The following PRAG1 variants were observed in gnomAD, a reference collection of about 807,000 sequenced individuals.
PRAG1 encodes the protein inactive tyrosine-protein kinase PRAG1.
PRAG1 carries 110 observed loss-of-function variants against 95.6 expected under a neutral mutation model. That is an observed-to-expected ratio of 1.15 (90% CI 0.99 to 1.35). The LOEUF (loss-of-function observed/expected upper bound fraction) is 1.35. PRAG1 is among the 40% of genes most tolerant of loss of function. The probability of loss-of-function intolerance (pLI) is 0.00; values close to 1 mark genes in which losing one functional copy is unlikely to be tolerated. For missense variants in PRAG1, 2,554 were observed against 1,864.7 expected (o/e 1.37, Z -6.81); for synonymous variants, 1,052 against 819.4 (o/e 1.28, Z -4.85).
intron 5 of PRAG1, among the ~76,000 whole-genome samples, chr8:8,326,057 A>C (rs1245001499): frequency 6.7e-6 from 1 of 150,168 alleles, no homozygotes; most frequent in Non-Finnish European, 1.5e-5. Context: ...CTCAAAACAG[A>C]AAGGTCAGCT....
chr8:8,320,679 C>G (rs897786106), intron 5 of PRAG1, among the ~76,000 whole-genome samples: 2 of 152,196 alleles, frequency 1.3e-5, no homozygotes, highest in Non-Finnish European at 2.9e-5. Flanking sequence ...TCACATCTAC[C>G]TATAAAATAT....
chr8:8,369,730 A>C (rs1800129884), intron 3 of PRAG1, among the ~76,000 whole-genome samples: 1 of 150,622 alleles, frequency 6.6e-6, no homozygotes, highest in Admixed American at 6.6e-5. Context: ...AGCTTGTACT[A>C]ATCCTGATCT....
Position 8,335,670 on chromosome 8 carries a change from T to A in PRAG1, c.2320+3808A>T, listed in dbSNP as rs545893529. Among the ~76,000 whole-genome samples, 329 of 152,322 alleles carry A rather than the reference T, an allele frequency of 2.2e-3. 2 individuals are homozygous for A. In the Middle Eastern group the frequency reaches 0.024, roughly 11 times the overall value. ...TATTATAGCTCAGGCCACAGAAAAT[T>A]TTTAAAAATAAATGTTTTTTTCCTT... On this transcript the variant is annotated intron_variant, in intron 4 of 5. Coordinates refer to ENST00000615670, the MANE Select transcript of PRAG1 (RefSeq NM_001080826.3).
At chr8:8,357,833 T>C (rs4840939) in intron 3 of PRAG1, among the ~76,000 whole-genome samples, 74,753 of 152,034 alleles carry the variant, frequency 0.49, 18,560 homozygotes, top group East Asian at 0.6. Context: ...TATGGTTCTG[T>C]GAATGTATGG....
At chr8:8,352,165 A>G (rs1357803860) in intron 3 of PRAG1, among the ~76,000 whole-genome samples, 1 of 152,202 alleles carries the variant, frequency 6.6e-6, no homozygotes, top group East Asian at 1.9e-4. Context: ...ATTTGGACCA[A>G]AGCTCTTAGG....
intron 3 of PRAG1, among the ~76,000 whole-genome samples, chr8:8,365,924 G>C (rs1339779667): frequency 6.6e-6 from 1 of 152,104 alleles, no homozygotes; most frequent in Non-Finnish European, 1.5e-5. Flanking sequence ...AGATTGCAGT[G>C]AGCTGAGATC....
intron 3 of PRAG1, among the ~76,000 whole-genome samples, chr8:8,353,226 A>G (rs946919106): frequency 2.0e-5 from 3 of 152,242 alleles, no homozygotes; most frequent in South Asian, 2.1e-4. Context: ...CCTAAAAAGC[A>G]TATATAGAAC....
chr8:8,342,909 T>C (rs1485347823), intron 3 of PRAG1, among the ~76,000 whole-genome samples: 2 of 152,142 alleles, frequency 1.3e-5, no homozygotes, highest in Non-Finnish European at 2.9e-5. Flanking sequence ...ATCTGACTAC[T>C]TTAAAATTTA....
chr8:8,355,612 G>T (rs1192507347), intron 3 of PRAG1, among the ~76,000 whole-genome samples: 1 of 152,154 alleles, frequency 6.6e-6, no homozygotes, highest in African/African-American at 2.4e-5. Flanking sequence ...ACAGAGCTCA[G>T]AAATTGATCC....
chr8:8,355,659 C>G (rs1198525171), intron 3 of PRAG1, among the ~76,000 whole-genome samples: 1 of 152,058 alleles, frequency 6.6e-6, no homozygotes, highest in Non-Finnish European at 1.5e-5. Context: ...ACAAGAGCAT[C>G]AAAAGGGCAC....
chr8:8,380,641 G>A (rs1800601428), intron 2 of PRAG1, among the ~76,000 whole-genome samples: 1 of 151,986 alleles, frequency 6.6e-6, no homozygotes, highest in Non-Finnish European at 1.5e-5. Context: ...AGATCACAAG[G>A]TCAAGAGATC....
rs746814958 is a variant in PRAG1, at chr8:8,377,850, C to G, written c.559G>C (p.Ala187Pro). ...AATGAGGGTTTTTCTTTGTGCACAG[C>G]CTTCTCCTCCGGGAAGCTCACCGGG... ...FHPVSFPEEK[A>P]VHKEKPSFPY... The change falls in exon 3 of 6, where the codon GCT (alanine) becomes CCT (proline). Residue 187 changes from alanine to proline, a missense_variant. Transcript: ENST00000615670. 1.9e-6 allele frequency: 3 copies of G among 1,614,146 alleles called. No individual in the cohort carries two copies. The highest frequency in any genetic ancestry group is 2.2e-5 in the South Asian group (2 of 91,082).
intron 4 of PRAG1, among the ~76,000 whole-genome samples, chr8:8,332,319 G>A (rs776332946): frequency 4.6e-5 from 7 of 151,842 alleles, no homozygotes; most frequent in East Asian, 3.9e-4. Context: ...CCACCATCAC[G>A]CCCAGCTAAT....
chr8:8,381,681 G>A lies in PRAG1; in HGVS notation c.67C>T (p.His23Tyr). The change falls in exon 2 of 6, where the codon CAC (histidine) becomes TAC (tyrosine). Residue 23 changes from histidine to tyrosine, a missense_variant. By Grantham distance (83) the His-to-Tyr change is moderately conservative. Coordinates refer to ENST00000615670, the MANE Select transcript of PRAG1 (RefSeq NM_001080826.3). ...TTGCAGGACCCGGGTTTCCAGATGT[G>A]CTCCACAAAGTCACTGCACGCAGAC... is the stretch of plus-strand genomic sequence containing the variant. ...KMSACSDFVE[H>Y]IWKPGSCKNC... 1 of 1,613,440 alleles carries A rather than the reference G, an allele frequency of 6.2e-7. No individual in the cohort carries two copies. Among genetic ancestry groups the A allele is most frequent in the Non-Finnish European group, 8.5e-7 (1 of 1,179,526 alleles).
intron 1 of PRAG1, among the ~76,000 whole-genome samples, chr8:8,384,268 G>A (rs976023993): frequency 2.6e-5 from 4 of 152,004 alleles, no homozygotes; most frequent in African/African-American, 7.2e-5. Context: ...GGTATCAGAG[G>A]CCCTACTTTC....
intron 3 of PRAG1, among the ~76,000 whole-genome samples, chr8:8,375,861 C>G (rs1800367286): frequency 6.6e-6 from 1 of 152,086 alleles, no homozygotes; most frequent in Non-Finnish European, 1.5e-5. Flanking sequence ...CTTTTGCCCT[C>G]TTTTGCATGT....
chr8:8,372,724 A>T (rs1230581056), intron 3 of PRAG1, among the ~76,000 whole-genome samples: 1 of 152,234 alleles, frequency 6.6e-6, no homozygotes, highest in Admixed American at 6.5e-5. Context: ...AAAAAGACAG[A>T]TAAGCTACTG....
In PRAG1 at chr8:8,376,248, G is replaced by C. The variant is rs368352329; in HGVS notation, c.2161C>G (p.Arg721Gly). The C allele has an allele frequency of 5.0e-6, 8 of 1,612,142 alleles. No homozygotes were observed. The highest frequency in any genetic ancestry group is 2.2e-5 in the East Asian group (1 of 44,876). Reference sequence around the variant, plus strand: ...TCCCAGGCAGACAATGGTACTCACCGCGACTTTGGAGGCGGAGGAGGAGGT... The same window carrying C: ...TCCCAGGCAGACAATGGTACTCACCCCGACTTTGGAGGCGGAGGAGGAGGT... Reference protein sequence around the residue: ...FSPPPPPPKSRHLLKMNKSSS... With the variant: ...FSPPPPPPKSGHLLKMNKSSS... Residue 721 changes from arginine to glycine, a missense_variant and splice_region_variant, in exon 3 of 6, where the codon CGG becomes GGG. Physicochemically the swap from Arg to Gly is moderately radical, Grantham distance 125 (BLOSUM62 -2). Transcript: ENST00000615670.
intron 3 of PRAG1, among the ~76,000 whole-genome samples, chr8:8,350,459 G>T (rs1165884322): frequency 6.6e-6 from 1 of 152,206 alleles, no homozygotes; most frequent in East Asian, 1.9e-4. Flanking sequence ...GAGCAGATGG[G>T]AAGAAAAGGA....
Sources: allele counts gnomAD v4.1 joint callset (sites outside exome capture counted in the v4.1 genomes callset), GRCh38; gene constraint gnomAD v4.1.1; transcripts MANE v1.5; gene names NCBI Gene and HGNC (gene_info 2026-07-23, HGNC 2026-07-21).